The following LCT variants were observed in gnomAD, a reference collection of about 807,000 sequenced individuals.
LCT encodes the protein lactase/phlorizin hydrolase.
In LCT, 90 loss-of-function variants were observed where a neutral mutation model predicts 173.0. The ratio of observed to expected loss-of-function variants is 0.52; its 90% CI spans 0.44 to 0.62. The LOEUF is 0.62. LCT is among the 20% of genes least tolerant of loss of function. LCT has a pLI of 0.00. For missense variants in LCT, 1,864 were observed against 2,431.4 expected (o/e 0.77, Z 4.91); for synonymous variants, 853 against 957.6 (o/e 0.89, Z 2.02).
chr2:135,824,365 G>C (rs1321875082), intron 3 of LCT, among the ~76,000 whole-genome samples: 1 of 152,112 alleles, frequency 6.6e-6, no homozygotes, highest in Non-Finnish European at 1.5e-5. Flanking sequence ...GGATGTCTGG[G>C]ATTTGCTTCA....
At chr2:135,789,918 C>T (rs1232379768) in intron 15 of LCT, 120 bp from the exon 16 acceptor site, 9 of 817,594 alleles carry the variant, frequency 1.1e-5, no homozygotes, top group Admixed American at 1.1e-4. Context: ...TGGCGGTAAG[C>T]TTTGGCTTTA....
Position 135,836,560 on chromosome 2 carries a change from C to CA in LCT, c.609dup (p.Glu204Ter). 1 of 1,614,094 alleles carries CA rather than the reference C, an allele frequency of 6.2e-7. No homozygotes were observed. Among genetic ancestry groups the CA allele is most frequent in the African/African-American group, 1.3e-5 (1 of 75,016 alleles). On this transcript the variant is annotated frameshift_variant, in exon 1 of 17. Transcript: ENST00000264162. LOFTEE classifies it high-confidence loss of function. ...AAAGCATAGCTTTCGTGGTAAATCTCATAGGCTTTTCTGTGGGCATCACTG... is the reference window on the plus strand; with the variant it reads ...AAAGCATAGCTTTCGTGGTAAATCTCAATAGGCTTTTCTGTGGGCATCACTG...
chr2:135,821,159 G>C (rs938788991), intron 5 of LCT, among the ~76,000 whole-genome samples: 10 of 152,176 alleles, frequency 6.6e-5, no homozygotes, highest in Non-Finnish European at 1.3e-4. Flanking sequence ...GGGATTACAG[G>C]CGTGAGCCAC....
chr2:135,826,623 T>C (rs2077891482), intron 3 of LCT, among the ~76,000 whole-genome samples: 1 of 152,114 alleles, frequency 6.6e-6, no homozygotes, highest in Non-Finnish European at 1.5e-5. Flanking sequence ...CATCCTCAAG[T>C]ACCAGCCATG....
chr2:135,792,359 T>A (rs759925899), intron 14 of LCT, among the ~76,000 whole-genome samples: 2 of 152,130 alleles, frequency 1.3e-5, no homozygotes, highest in South Asian at 4.1e-4. Context: ...GCTCAACTTA[T>A]TAATTTCAAC....
At chr2:135,800,351 C>T (rs1008854565) in intron 12 of LCT, among the ~76,000 whole-genome samples, 1 of 152,148 alleles carries the variant, frequency 6.6e-6, no homozygotes, top group Non-Finnish European at 1.5e-5. Context: ...CCTTAGCCTC[C>T]TGAGCAGCTG....
chr2:135,809,206 G>A lies in LCT; in HGVS notation c.3141C>T (p.Asp1047=), dbSNP rs762944427. ...TATCACCAAAGGTCTGGAAACAAAA[G>A]TCTGCGTAGCTGTCAAACAAGTCAA... is the stretch of plus-strand genomic sequence containing the variant. ...ALIDLFDSYA[D]FCFQTFGDRV... is the part of the protein sequence containing the mutation. The change falls in exon 8 of 17, where the codon GAC becomes GAT. Residue 1047 remains aspartate (D), a synonymous_variant. Coordinates refer to ENST00000264162, the MANE Select transcript of LCT (RefSeq NM_002299.4). The surrounding 1 kb of genome is among the most constrained non-coding windows in gnomAD (Gnocchi z 5.5). 1 of 1,614,106 alleles carries A rather than the reference G, an allele frequency of 6.2e-7. No homozygotes were observed. The highest frequency in any genetic ancestry group is 8.5e-7 in the Non-Finnish European group (1 of 1,180,044).
intron 7 of LCT, 37 bp from the exon 8 acceptor site, chr2:135,810,030 T>TAGCTGTGAA: frequency 7.1e-7 from 1 of 1,410,434 alleles, no homozygotes; most frequent in Non-Finnish European, 9.9e-7. Context: ...TATTTATTTA[T>TAGCTGTGAA]GGATTTATTT....
chr2:135,834,944 GT>G (rs553050066), intron 1 of LCT, among the ~76,000 whole-genome samples: 116 of 152,156 alleles, frequency 7.6e-4, no homozygotes, highest in African/African-American at 1.1e-3. Flanking sequence ...GGGTCAGAGA[GT>G]AATTTTATAA....
At chr2:135,800,545 T>G (rs1344201930) in intron 12 of LCT, 62 bp downstream of exon 12, 2 of 1,351,504 alleles carry the variant, frequency 1.5e-6, no homozygotes, top group East Asian at 4.6e-5. Context: ...ACAATCTGTT[T>G]CCATTAGGCT....
At chr2:135,829,740 G>C in intron 2 of LCT, 64 bp from the exon 3 acceptor site, 1 of 1,108,240 alleles carries the variant, frequency 9.0e-7, no homozygotes. Context: ...CAGCCTCTCA[G>C]AAGTACGCTT....
At chr2:135,834,343 G>A (rs2077966238) in intron 1 of LCT, among the ~76,000 whole-genome samples, 1 of 151,614 alleles carries the variant, frequency 6.6e-6, no homozygotes, top group Non-Finnish European at 1.5e-5. Flanking sequence ...GTGCTACCAC[G>A]CCTCGCTAAT....
chr2:135,794,186 T>C (rs1023283015), intron 14 of LCT, among the ~76,000 whole-genome samples: 7 of 151,740 alleles, frequency 4.6e-5, no homozygotes, highest in African/African-American at 1.7e-4. Context: ...TGAACCAAAA[T>C]CTTTTACTAT....
chr2:135,806,171 A>T (rs747625081), intron 9 of LCT, among the ~76,000 whole-genome samples: 1 of 152,082 alleles, frequency 6.6e-6, no homozygotes, highest in Non-Finnish European at 1.5e-5. Context: ...ATTTTTTTAT[A>T]GAGATAGGGT....
In LCT at chr2:135,812,696, G is replaced by A. The variant is rs762910713; in HGVS notation, c.1968C>T (p.Cys656=). 2 of 1,614,198 alleles carry A rather than the reference G, an allele frequency of 1.2e-6. No homozygotes were observed. The highest frequency in any genetic ancestry group is 3.3e-5 in the Admixed American group (2 of 60,024). ...RTQIQQMNRQ[C]SHPVAQLPEF... is the part of the protein sequence containing the mutation. ...CGGGGAGTTGAGCCACAGGATGGGA[G>A]CACTGTCTGTTCATCTGTTGGATCT... The change falls in exon 7 of 17, where the codon TGC becomes TGT. Residue 656 remains cysteine (C), a synonymous_variant. Coordinates refer to ENST00000264162, the MANE Select transcript of LCT (RefSeq NM_002299.4).
At chr2:135,803,901 A>G (rs1414379424) in intron 11 of LCT, 29 bp downstream of exon 11, 5 of 1,596,822 alleles carry the variant, frequency 3.1e-6, no homozygotes, top group Non-Finnish European at 4.3e-6. Context: ...CATGATTCAA[A>G]GAGCCTATGA....
rs192298080 is a variant in LCT at position 135,789,297 on chromosome 2, A to G, written c.5563+274T>C. On this transcript the variant is annotated intron_variant, in intron 16 of 16. Transcript: ENST00000264162. ...TGCCTGGTTTCTTATCTATGAGTGC[A>G]CAGCAAGTTAGTGGTAGGGCTGGAA... Among the ~76,000 whole-genome samples the G allele has an allele frequency of 2.0e-5, 3 of 152,336 alleles. No individual in the cohort carries two copies. In the East Asian group the frequency reaches 5.8e-4, roughly 29 times the overall value.
Position 135,808,793 on chromosome 2 carries a change from C to A in LCT, c.3554G>T (p.Arg1185Leu), listed in dbSNP as rs750508708. The A allele has an allele frequency of 6.2e-7, 1 of 1,613,302 alleles. No homozygotes were observed. The highest frequency in any genetic ancestry group is 8.5e-7 in the Non-Finnish European group (1 of 1,179,340). The change falls in exon 8 of 17, where the codon CGC becomes CTC. Residue 1185 changes from arginine (R) to leucine (L), a missense_variant. This residue lies in a region of LCT where 755 missense variants were observed against 926.3 expected (regional missense o/e 0.82). Transcript: ENST00000264162. ...CTCTTCCTCAGTGAAGCTTGGCAGG[C>A]GGGAGGTGGCTAAGTGCTGCAGTTC... ...RSELQHLATSRLPSFTEEEKR... is the reference protein window; with the variant it reads ...RSELQHLATSLLPSFTEEEKR...
chr2:135,807,175 G>A lies in LCT; in HGVS notation c.4126C>T (p.Arg1376Trp), dbSNP rs1239488063. Residue 1376 changes from arginine (R) to tryptophan (W), a missense_variant, in exon 9 of 17, where the codon CGG (arginine) becomes TGG (tryptophan). Physicochemically the swap from Arg to Trp is moderately radical, Grantham distance 101. Coordinates refer to ENST00000264162, the MANE Select transcript of LCT (RefSeq NM_002299.4). ...CTCCAGATGAAGCCCTCAGGAAACC[G>A]TCCGTACAGAAACTCATCCTCCCTG... ...LAREDEFLYG[R>W]FPEGFIWSAA... The A allele has an allele frequency of 3.1e-6, 5 of 1,614,112 alleles. No homozygotes were observed. Among genetic ancestry groups the A allele is most frequent in the Non-Finnish European group, 4.2e-6 (5 of 1,180,058 alleles).
Sources: allele counts gnomAD v4.1 joint callset (sites outside exome capture counted in the v4.1 genomes callset), GRCh38; gene constraint gnomAD v4.1.1; regional missense constraint gnomAD v4.1.1; non-coding constraint Gnocchi (gnomAD v3.1); transcripts MANE v1.5; gene names NCBI Gene and HGNC (gene_info 2026-07-23, HGNC 2026-07-21).